RB1: variants seen among roughly 807,000 people sequenced by gnomAD.
The protein encoded by RB1 is retinoblastoma-associated protein.
In RB1, 18 loss-of-function variants were observed where a neutral mutation model predicts 135.4. That is an observed-to-expected ratio of 0.13 (90% CI 0.09 to 0.20). The LOEUF (loss-of-function observed/expected upper bound fraction) is 0.20, where lower values mean the gene tolerates loss of function less well. Among genes scored for constraint, RB1 ranks in the 10% least tolerant of loss-of-function variants. The probability of loss-of-function intolerance (pLI) is 1.00; values close to 1 mark genes in which losing one functional copy is unlikely to be tolerated. For missense variants in RB1, 868 were observed against 1,110.0 expected, an observed-to-expected ratio of 0.78 and a Z score of 3.10; for synonymous variants, 365 against 373.2, an observed-to-expected ratio of 0.98 and a Z score of 0.25.
At chr13:48,318,209 G>A (rs1952202649) in intron 2 of RB1, 3 of 601,854 alleles carry the variant, frequency 5.0e-6, no homozygotes, top group Non-Finnish European at 8.8e-6. Context: ...GACCCTCGCC[G>A]CTGTCTCTCT....
At chr13:48,382,577 G>A (rs1269235215) in intron 17 of RB1, among the ~76,000 whole-genome samples, 2 of 152,098 alleles carry the variant, frequency 1.3e-5, no homozygotes, top group East Asian at 1.9e-4. Flanking sequence ...TGAGTTCTTT[G>A]TAGATTCTGG....
At chr13:48,398,325 C>T (rs1212514274) in intron 17 of RB1, among the ~76,000 whole-genome samples, 2 of 152,140 alleles carry the variant, frequency 1.3e-5, no homozygotes, top group Admixed American at 6.6e-5. Flanking sequence ...TTGACTTCCA[C>T]AGCTAAATAC....
intron 17 of RB1, among the ~76,000 whole-genome samples, chr13:48,451,788 A>C (rs1949328743): frequency 6.7e-6 from 1 of 149,054 alleles, no homozygotes; most frequent in South Asian, 2.1e-4. Flanking sequence ...CCTCAATTTC[A>C]GAACATGTTA....
chr13:48,346,337 G>A (rs1202206600), intron 4 of RB1, among the ~76,000 whole-genome samples: 1 of 149,682 alleles, frequency 6.7e-6, no homozygotes, highest in African/African-American at 2.5e-5. Context: ...TTTCCTTTGG[G>A]TATTGTTTCA....
chr13:48,457,619 C>T (rs1243434925), intron 19 of RB1, among the ~76,000 whole-genome samples: 1 of 152,184 alleles, frequency 6.6e-6, no homozygotes, highest in African/African-American at 2.4e-5. Flanking sequence ...TGCCTCCTGC[C>T]GCCATCCATG....
At chr13:48,445,840 A>G (rs1949283028) in intron 17 of RB1, among the ~76,000 whole-genome samples, 1 of 152,232 alleles carries the variant, frequency 6.6e-6, no homozygotes, top group South Asian at 2.1e-4. Context: ...CTTAATGGCT[A>G]AGGTATACAT....
intron 2 of RB1, among the ~76,000 whole-genome samples, chr13:48,315,789 T>C (rs572526574): frequency 4.6e-5 from 7 of 151,522 alleles, no homozygotes; most frequent in African/African-American, 1.7e-4. Flanking sequence ...TTTGCAGTTG[T>C]GAATTGTGCT....
At position 48,303,804 on chromosome 13, in the gene RB1, AT is replaced by A; in HGVS notation, c.-104del. On this transcript the variant is annotated 5_prime_UTR_variant, in exon 1 of 27. Transcript: ENST00000267163. ...GTTTTTCTCAGGGGACGTTGAAATT[AT>A]TTTTGTAACGGGAGTCGGGAGAGGA... The A allele has an allele frequency of 7.0e-7, 1 of 1,433,122 alleles. No homozygotes were observed. Among genetic ancestry groups the A allele is most frequent in the Non-Finnish European group, 9.2e-7 (1 of 1,088,916 alleles). The allele number at this position is 1,433,122 out of a possible 1,614,324, so 88.8% of individuals were successfully genotyped here.
At chr13:48,379,766 C>G in intron 14 of RB1, 116 bp downstream of exon 14, 1 of 1,332,342 alleles carries the variant, frequency 7.5e-7, no homozygotes, top group Non-Finnish European at 1.0e-6. Flanking sequence ...TCAAGATCAT[C>G]CTGGCCAAAA....
intron 2 of RB1, among the ~76,000 whole-genome samples, chr13:48,336,978 G>A (rs1460977128): frequency 1.3e-5 from 2 of 152,218 alleles, no homozygotes; most frequent in Non-Finnish European, 2.9e-5. Context: ...CAGTTTCCAT[G>A]TAGTTATGCG....
chr13:48,333,742 A>C (rs1952357795), intron 2 of RB1, among the ~76,000 whole-genome samples: 1 of 152,088 alleles, frequency 6.6e-6, no homozygotes, highest in Non-Finnish European at 1.5e-5. Context: ...AAAGAAAAAA[A>C]AACAAAGAGA....
intron 17 of RB1, 53 bp from the exon 18 acceptor site, chr13:48,452,940 C>A: frequency 6.2e-7 from 1 of 1,604,676 alleles, no homozygotes; most frequent in Non-Finnish European, 8.5e-7. Flanking sequence ...TGATATGTAC[C>A]TGGGAAAATT....
chr13:48,441,797 C>G (rs2138308141), intron 17 of RB1, among the ~76,000 whole-genome samples: 1 of 152,150 alleles, frequency 6.6e-6, no homozygotes. Flanking sequence ...TTGGCAAAAA[C>G]CTGGTGATTT....
chr13:48,350,519 C>T (rs1952538418), intron 6 of RB1, among the ~76,000 whole-genome samples: 1 of 151,982 alleles, frequency 6.6e-6, no homozygotes. Flanking sequence ...ACAGTAAAAG[C>T]AGTACAGAGG....
chr13:48,446,306 CT>C (rs148132126), intron 17 of RB1, among the ~76,000 whole-genome samples: 1,585 of 152,174 alleles, frequency 0.01, 29 homozygotes, highest in African/African-American at 0.036. Flanking sequence ...TCTCAGAAAA[CT>C]TTGAGATTAA....
intron 2 of RB1, among the ~76,000 whole-genome samples, chr13:48,335,805 G>C (rs1005858545): frequency 6.6e-6 from 1 of 151,990 alleles, no homozygotes; most frequent in African/African-American, 2.4e-5. Context: ...AATTGTTGTT[G>C]GAAAAGGAGA....
At chr13:48,412,109 C>A in intron 17 of RB1, 6 of 1,613,370 alleles carry the variant, frequency 3.7e-6, no homozygotes, top group Non-Finnish European at 5.1e-6. Flanking sequence ...AGGTTAAGAA[C>A]AGAATGCTTC....
chr13:48,320,495 G>T, intron 2 of RB1: 1 of 675,930 alleles, frequency 1.5e-6, no homozygotes, highest in Non-Finnish European at 2.5e-6. Context: ...GGGGAGGGAC[G>T]CGCAGAGGGA....
chr13:48,424,311 T>A (rs1244088804), intron 17 of RB1, among the ~76,000 whole-genome samples: 3 of 152,238 alleles, frequency 2.0e-5, no homozygotes, highest in Non-Finnish European at 2.9e-5. Flanking sequence ...CTTTCATTAT[T>A]GTAAACACTT....
Sources: allele counts gnomAD v4.1 joint callset (sites outside exome capture counted in the v4.1 genomes callset), GRCh38; gene constraint gnomAD v4.1.1; transcripts MANE v1.5; gene names NCBI Gene and HGNC (gene_info 2026-07-23, HGNC 2026-07-21).